Variants in APAF1 observed in about 807,000 individuals in gnomAD.
APAF1 encodes the protein apoptotic protease-activating factor 1.
APAF1 carries 91 observed loss-of-function variants against 152.4 expected under a neutral mutation model. The ratio of observed to expected loss-of-function variants is 0.60; its 90% confidence interval spans 0.50 to 0.71. APAF1 has a LOEUF of 0.71. APAF1 is among the 30% of genes least tolerant of loss of function. APAF1 has a pLI of 0.00. For synonymous variants in APAF1, 484 were observed against 494.1 expected (o/e 0.98, Z 0.27); for missense variants, 1,283 against 1,472.0 (o/e 0.87, Z 2.10).
At chr12:98,707,713 C>A (rs867217494) in intron 19 of APAF1, among the ~76,000 whole-genome samples, 5 of 119,304 alleles carry the variant, frequency 4.2e-5, no homozygotes, top group South Asian at 3.1e-4. Flanking sequence ...TATATATATA[C>A]ATATAAATTT....
At chr12:98,684,522 T>C in intron 15 of APAF1, among the ~76,000 whole-genome samples, 1 of 130,912 alleles carries the variant, frequency 7.6e-6, no homozygotes, top group African/African-American at 2.9e-5. Flanking sequence ...CCCCTCTCAT[T>C]CTCTCTCATT....
chr12:98,719,727 C>G (rs939548077), intron 22 of APAF1, among the ~76,000 whole-genome samples: 1 of 152,106 alleles, frequency 6.6e-6, no homozygotes, highest in Non-Finnish European at 1.5e-5. Flanking sequence ...CTCTTGCTTT[C>G]CAGCCTCCCA....
At chr12:98,703,242 C>CTA (rs1434281947) in intron 17 of APAF1, 129 bp from the exon 18 acceptor site, 1 of 980,712 alleles carries the variant, frequency 1.0e-6, no homozygotes, top group Non-Finnish European at 1.6e-6. Context: ...TTATGACTGT[C>CTA]AATAATTATG....
chr12:98,716,964 C>A (rs1468178076), intron 22 of APAF1, among the ~76,000 whole-genome samples: 1 of 151,960 alleles, frequency 6.6e-6, no homozygotes, highest in Non-Finnish European at 1.5e-5. Flanking sequence ...CTCCTGGGTT[C>A]AGGCAATTCT....
rs146118725 is a variant in APAF1, at chr12:98,708,978, G to A, written c.2841+274G>A. Among the ~76,000 whole-genome samples, 135 of 152,284 alleles carry A rather than the reference G, an allele frequency of 8.9e-4. 1 individual carries two copies. Among genetic ancestry groups the A allele is most frequent in the Non-Finnish European group, 1.7e-3 (113 of 68,022 alleles). ...GCATGGAGTCTAAGAATACCATGAG[G>A]ACAAACTCATGTTGTCTACAAGAGT... On this transcript the variant is annotated intron_variant, in intron 20 of 26. Transcript: ENST00000551964.
At chr12:98,657,381 AT>A (rs1422598760) in intron 4 of APAF1, among the ~76,000 whole-genome samples, 1 of 151,898 alleles carries the variant, frequency 6.6e-6, no homozygotes, top group African/African-American at 2.4e-5. Context: ...GTGAAAACCG[AT>A]TTTTTTCTCT....
chr12:98,706,783 G>A (rs1021501754), intron 19 of APAF1, among the ~76,000 whole-genome samples, 173 bp downstream of exon 19: 5 of 152,124 alleles, frequency 3.3e-5, no homozygotes, highest in Admixed American at 2.6e-4. Context: ...TCATTCATTC[G>A]TTACATGTTC....
rs2097698556 is a variant in APAF1 at position 98,686,845 on chromosome 12, C to T, written c.2276C>T (p.Ala759Val). ...CRFSPDDKLL[A>V]SCSADGTLKL... is the part of the protein sequence containing the mutation. ...TTTTCACCAGATGATAAGCTTTTGG[C>T]TAGTTGTTCAGCTGATGGAACCTTA... is the stretch of plus-strand genomic sequence containing the variant. The change falls in exon 16 of 27, where the codon GCT (alanine) becomes GTT (valine). Residue 759 changes from alanine to valine, a missense_variant. Ala to Val is a moderately conservative substitution (Grantham distance 64). Transcript: ENST00000551964. 1 of 1,613,778 alleles carries T rather than the reference C, an allele frequency of 6.2e-7. No homozygotes were observed. Among genetic ancestry groups the T allele is most frequent in the Admixed American group, 1.7e-5 (1 of 59,986 alleles).
At chr12:98,662,172 C>G (rs2097666302) in intron 5 of APAF1, among the ~76,000 whole-genome samples, 1 of 136,250 alleles carries the variant, frequency 7.3e-6, no homozygotes, top group Non-Finnish European at 1.6e-5. Context: ...TTTTGGCACT[C>G]AGTAAGTGAT....
chr12:98,667,622 T>A lies in APAF1; in HGVS notation c.1472T>A (p.Met491Lys), dbSNP rs1320859195. 6.2e-7 allele frequency: 1 copy of A among 1,613,876 alleles called. No homozygotes were observed. Among genetic ancestry groups the A allele is most frequent in the Admixed American group, 1.7e-5 (1 of 60,026 alleles). The part of the protein sequence containing the change: ...MYWYNFLAYH[M>K]ASAKMHKELC... ...TGGTACAACTTTCTGGCCTATCACA[T>A]GGCCAGTGCCAAGATGCACAAGGTA... is the stretch of plus-strand genomic sequence containing the variant. The change falls in exon 10 of 27, where the codon ATG becomes AAG. Residue 491 changes from methionine to lysine, a missense_variant. Met to Lys is a moderately conservative substitution (Grantham distance 95, BLOSUM62 -1). Transcript: ENST00000551964.
intron 26 of APAF1, among the ~76,000 whole-genome samples, chr12:98,730,128 A>G (rs145099984): frequency 6.6e-6 from 1 of 152,224 alleles, no homozygotes; most frequent in Non-Finnish European, 1.5e-5. Context: ...GAAAGGATGT[A>G]TGTTATCCCT....
intron 14 of APAF1, among the ~76,000 whole-genome samples, chr12:98,682,756 A>G (rs1053683828): frequency 3.5e-4 from 53 of 152,192 alleles, no homozygotes; most frequent in African/African-American, 1.2e-3. Context: ...TTTGTGACAC[A>G]CAAGTCATAA....
chr12:98,708,728 TG>T lies in APAF1; in HGVS notation c.2841+26del, dbSNP rs780894384. On this transcript the variant is annotated intron_variant, in intron 20 of 26. Coordinates refer to ENST00000551964, the MANE Select transcript of APAF1 (RefSeq NM_181861.2). ...AAGTGAGTATTTTTTAGAAAACAAT[TG>T]GAAAATTGTTTTGGTTGAATTTTCT... The T allele has an allele frequency of 1.9e-6, 3 of 1,609,228 alleles. No individual in the cohort carries two copies. The East Asian group carries it at 6.7e-5, about 36-fold the overall frequency.
chr12:98,727,387 C>G, intron 26 of APAF1, 71 bp downstream of exon 26: 2 of 1,566,610 alleles, frequency 1.3e-6, no homozygotes, highest in Non-Finnish European at 1.7e-6. Flanking sequence ...TTTTCACTTC[C>G]TGTTTCTCAG....
rs61430351 is a variant in APAF1 at position 98,715,235 on chromosome 12, C to CAT, written c.2959-147_2959-146dup. 8.8e-3 allele frequency among the ~76,000 whole-genome samples: 482 copies of CAT among 54,640 alleles called. 5 individuals carry two copies. The highest frequency in any genetic ancestry group is 0.01 in the Non-Finnish European group (296 of 28,350). 35.8% of individuals were successfully genotyped at this position (54,640 alleles called of 152,430 possible). A position where few individuals can be genotyped will look rare whatever the true frequency, so the allele number is the denominator to read the frequency against. On this transcript the variant is annotated intron_variant, in intron 21 of 26. Transcript: ENST00000551964. ...TTTGCATGTAGGCATACATGGTGTG[C>CAT]ATATATATATATATATATATATATA...
intron 4 of APAF1, among the ~76,000 whole-genome samples, chr12:98,654,301 A>G (rs1385273371): frequency 6.6e-6 from 1 of 152,196 alleles, no homozygotes; most frequent in African/African-American, 2.4e-5. Context: ...CATTTAGGGA[A>G]AAAGGCCTTT....
At chr12:98,713,193 A>G (rs946713289) in intron 21 of APAF1, among the ~76,000 whole-genome samples, 2 of 152,190 alleles carry the variant, frequency 1.3e-5, no homozygotes, top group Non-Finnish European at 2.9e-5. Context: ...CAATCATCTT[A>G]TCCAGTTGGC....
intron 26 of APAF1, among the ~76,000 whole-genome samples, chr12:98,730,902 G>GT (rs2097760068): frequency 6.6e-6 from 1 of 152,182 alleles, no homozygotes; most frequent in Non-Finnish European, 1.5e-5. Flanking sequence ...TAATTTAGCT[G>GT]TTTACCTGCA....
intron 4 of APAF1, among the ~76,000 whole-genome samples, chr12:98,650,170 A>G (rs937094579): frequency 3.3e-5 from 5 of 152,144 alleles, no homozygotes; most frequent in African/African-American, 1.2e-4. Context: ...GGGGAATTCA[A>G]AGACAGTTCC....
Sources: allele counts gnomAD v4.1 joint callset (sites outside exome capture counted in the v4.1 genomes callset), GRCh38; gene constraint gnomAD v4.1.1; transcripts MANE v1.5; gene names NCBI Gene and HGNC (gene_info 2026-07-23, HGNC 2026-07-21).